The following PBX1 variants were observed in gnomAD, a reference collection of about 807,000 sequenced individuals.
The protein encoded by PBX1 is pre-B-cell leukemia transcription factor 1.
Under a neutral mutation model 53.4 loss-of-function variants are expected in PBX1, and 6 were observed. The ratio of observed to expected loss-of-function variants is 0.11; its 90% CI spans 0.06 to 0.22. The LOEUF is 0.22. PBX1 is among the 10% of genes least tolerant of loss of function. PBX1 has a pLI of 1.00. For synonymous variants in PBX1, 204 were observed against 212.3 expected (o/e 0.96, Z 0.34); for missense variants, 251 against 551.4 (o/e 0.46, Z 5.46).
chr1:164,678,274 A>T (rs1661554923), intron 2 of PBX1, among the ~76,000 whole-genome samples: 3 of 152,212 alleles, frequency 2.0e-5, no homozygotes, highest in Non-Finnish European at 4.4e-5. Context: ...TGAGCTCTGC[A>T]TTCCTTTTCT....
intron 2 of PBX1, among the ~76,000 whole-genome samples, chr1:164,723,638 G>C (rs1664526259): frequency 6.6e-6 from 1 of 152,188 alleles, no homozygotes; most frequent in South Asian, 2.1e-4. Flanking sequence ...CTTTCTGCCT[G>C]GGCCAGCCAG....
intron 2 of PBX1, among the ~76,000 whole-genome samples, chr1:164,608,707 G>A (rs1001248508): frequency 6.6e-6 from 1 of 152,186 alleles, no homozygotes; most frequent in Admixed American, 6.5e-5. Flanking sequence ...TCAGAAATGG[G>A]CATCTCTAGT....
intron 2 of PBX1, among the ~76,000 whole-genome samples, chr1:164,618,304 G>GC (rs1553217580): frequency 2.0e-5 from 3 of 150,838 alleles, no homozygotes; most frequent in Non-Finnish European, 4.4e-5. Flanking sequence ...CGGCGGGGGG[G>GC]GGGGGGCACT....
At chr1:164,616,461 G>T (rs1027453875) in intron 2 of PBX1, among the ~76,000 whole-genome samples, 6 of 152,060 alleles carry the variant, frequency 3.9e-5, no homozygotes, top group Non-Finnish European at 8.8e-5. Flanking sequence ...CATTATCTTG[G>T]GTGTATCTCC....
chr1:164,832,726 A>G (rs888488817), intron 8 of PBX1, among the ~76,000 whole-genome samples: 1 of 152,176 alleles, frequency 6.6e-6, no homozygotes, highest in Non-Finnish European at 1.5e-5. Flanking sequence ...GAATTTAGTA[A>G]TCAACTACAA....
intron 2 of PBX1, among the ~76,000 whole-genome samples, chr1:164,639,910 T>C (rs1659015807): frequency 1.3e-5 from 2 of 152,004 alleles, no homozygotes; most frequent in African/African-American, 2.4e-5. Context: ...GTGATCCTCC[T>C]ACCTTGCCTC....
chr1:164,576,811 C>T, intron 2 of PBX1: 1 of 152,380 alleles, frequency 6.6e-6, no homozygotes, highest in Non-Finnish European at 1.5e-5. Flanking sequence ...ACATTCAGAG[C>T]CTCTGAGGCA....
At chr1:164,590,709 CAG>C (rs1314101326) in intron 2 of PBX1, among the ~76,000 whole-genome samples, 3 of 152,086 alleles carry the variant, frequency 2.0e-5, no homozygotes, top group Non-Finnish European at 4.4e-5. Flanking sequence ...TTGGGGTAAA[CAG>C]GGCATTGATC....
intron 2 of PBX1, chr1:164,626,223 T>C (rs1022270930): frequency 2.2e-6 from 1 of 453,278 alleles, no homozygotes; most frequent in South Asian, 9.4e-5. Flanking sequence ...ACATCTATCT[T>C]GATGGCAGAA....
chr1:164,648,475 A>G (rs902035040), intron 2 of PBX1, among the ~76,000 whole-genome samples: 2 of 152,220 alleles, frequency 1.3e-5, no homozygotes, highest in African/African-American at 4.8e-5. Flanking sequence ...TTGTAGGGAA[A>G]TCACACTTAG....
At chr1:164,733,368 TG>T (rs1247160448) in intron 2 of PBX1, among the ~76,000 whole-genome samples, 1 of 152,112 alleles carries the variant, frequency 6.6e-6, no homozygotes, top group Admixed American at 6.6e-5. Context: ...CATGGAACCT[TG>T]GGTCCTGTGC....
At chr1:164,630,116 G>A (rs1321927834) in intron 2 of PBX1, among the ~76,000 whole-genome samples, 1 of 152,124 alleles carries the variant, frequency 6.6e-6, no homozygotes, top group African/African-American at 2.4e-5. Flanking sequence ...CCTAATGCTT[G>A]TGACCAATGG....
intron 2 of PBX1, among the ~76,000 whole-genome samples, chr1:164,739,887 T>C (rs906122942): frequency 3.3e-5 from 5 of 152,126 alleles, no homozygotes; most frequent in South Asian, 2.1e-4. Context: ...ACATTTTATA[T>C]TTTAATGCTA....
chr1:164,758,141 C>T (rs1341400356), intron 2 of PBX1, among the ~76,000 whole-genome samples: 1 of 152,128 alleles, frequency 6.6e-6, no homozygotes, highest in South Asian at 2.1e-4. Context: ...ATTTTCCCTC[C>T]TTGATTCTAC....
intron 2 of PBX1, among the ~76,000 whole-genome samples, chr1:164,626,958 TG>T (rs543732138): frequency 1.8e-3 from 269 of 152,320 alleles, no homozygotes; most frequent in Admixed American, 8.8e-3. Flanking sequence ...TAAAATTAAC[TG>T]CTTTTTCAAT....
chr1:164,611,503 G>T (rs769069658), intron 2 of PBX1, among the ~76,000 whole-genome samples: 13 of 152,180 alleles, frequency 8.5e-5, no homozygotes, highest in Non-Finnish European at 1.6e-4. Flanking sequence ...CTCCCAAAGT[G>T]CTGGGATTAC....
At chr1:164,592,934 A>C (rs1655499026) in intron 2 of PBX1, among the ~76,000 whole-genome samples, 1 of 151,522 alleles carries the variant, frequency 6.6e-6, no homozygotes, top group Non-Finnish European at 1.5e-5. Flanking sequence ...CAGCATTTGT[A>C]TGTAGCACAC....
At chr1:164,585,325 C>T (rs561277944) in intron 2 of PBX1, among the ~76,000 whole-genome samples, 2 of 152,192 alleles carry the variant, frequency 1.3e-5, no homozygotes, top group African/African-American at 4.8e-5. Context: ...TGGGGTCATT[C>T]CCTGGGGATA....
At chr1:164,785,434 A>T (rs1254423822) in intron 2 of PBX1, among the ~76,000 whole-genome samples, 1 of 152,160 alleles carries the variant, frequency 6.6e-6, no homozygotes, top group East Asian at 1.9e-4. Context: ...GTTATTTTTC[A>T]ACTTGAGGAG....
Sources: allele counts gnomAD v4.1 joint callset (sites outside exome capture counted in the v4.1 genomes callset), GRCh38; gene constraint gnomAD v4.1.1; transcripts MANE v1.5; gene names NCBI Gene and HGNC (gene_info 2026-07-23, HGNC 2026-07-21).